Variants in NMNAT2 observed in about 807,000 individuals in gnomAD.
The protein encoded by NMNAT2 is nicotinamide/nicotinic acid mononucleotide adenylyltransferase 2.
Under a neutral mutation model 41.6 loss-of-function variants are expected in NMNAT2, and 11 were observed. The ratio of observed to expected loss-of-function variants is 0.26; its 90% confidence interval spans 0.17 to 0.44. NMNAT2 has a LOEUF of 0.44. Ranked by LOEUF, NMNAT2 falls within the 20% of genes least tolerant of loss-of-function variation. The pLI is 1.00. For missense variants in NMNAT2, 288 were observed against 407.7 expected (o/e 0.71, Z 2.53); for synonymous variants, 148 against 151.2 (o/e 0.98, Z 0.16).
At chr1:183,300,158 C>G (rs990681024) in intron 1 of NMNAT2, among the ~76,000 whole-genome samples, 1 of 152,068 alleles carries the variant, frequency 6.6e-6, no homozygotes, top group African/African-American at 2.4e-5. Context: ...AATCCCAACA[C>G]TTTGGGAGGC....
At chr1:183,281,066 T>C (rs1432929774) in intron 7 of NMNAT2, among the ~76,000 whole-genome samples, 1 of 152,172 alleles carries the variant, frequency 6.6e-6, no homozygotes, top group African/African-American at 2.4e-5. Context: ...ATTATAGGCT[T>C]GAGTCACCGC....
chr1:183,403,249 T>TAA (rs1201199096), intron 1 of NMNAT2, among the ~76,000 whole-genome samples: 1 of 152,200 alleles, frequency 6.6e-6, no homozygotes, highest in East Asian at 1.9e-4. Context: ...ACATCATATC[T>TAA]TATTCCTCTT....
chr1:183,372,872 G>A (rs1447938440), intron 1 of NMNAT2, among the ~76,000 whole-genome samples: 1 of 152,238 alleles, frequency 6.6e-6, no homozygotes, highest in Non-Finnish European at 1.5e-5. Flanking sequence ...ATTGGGTCAG[G>A]AGCCAACATC....
intron 8 of NMNAT2, among the ~76,000 whole-genome samples, chr1:183,270,074 C>CG (rs1355488200): frequency 6.6e-6 from 1 of 152,016 alleles, no homozygotes; most frequent in African/African-American, 2.4e-5. Context: ...TTAGTAGAGA[C>CG]GGGGTTTCAC....
chr1:183,280,055 A>G (rs1661218666), intron 7 of NMNAT2, among the ~76,000 whole-genome samples: 1 of 152,182 alleles, frequency 6.6e-6, no homozygotes, highest in Non-Finnish European at 1.5e-5. Context: ...CTCTTGCAGC[A>G]TGGGGTCACT....
At chr1:183,382,232 A>G (rs1663815705) in intron 1 of NMNAT2, among the ~76,000 whole-genome samples, 1 of 151,340 alleles carries the variant, frequency 6.6e-6, no homozygotes, top group Admixed American at 6.6e-5. Context: ...AAGCAACCAG[A>G]TCTCAAGAGA....
chr1:183,339,091 G>A lies in NMNAT2; in HGVS notation c.86-45298C>T, dbSNP rs116454979. Among the ~76,000 whole-genome samples the A allele has an allele frequency of 6.7e-3, 1,024 of 151,996 alleles. 5 individuals carry two copies. The highest frequency in any genetic ancestry group is 9.0e-3 in the Non-Finnish European group (610 of 67,956). ...AACAGCTCCAGTTCCTGAGATCACA[G>A]TTTTGTTTTATTTTTATTTTTTTTG... On this transcript the variant is annotated intron_variant, in intron 1 of 10. Coordinates refer to ENST00000287713, the MANE Select transcript of NMNAT2 (RefSeq NM_015039.4).
At chr1:183,415,192 G>C (rs1479383754) in intron 1 of NMNAT2, among the ~76,000 whole-genome samples, 3 of 152,112 alleles carry the variant, frequency 2.0e-5, no homozygotes, top group Non-Finnish European at 4.4e-5. Context: ...ATGTTGCCAA[G>C]TCTGGTCTCA....
chr1:183,300,272 C>T (rs185079804), intron 1 of NMNAT2, among the ~76,000 whole-genome samples: 3 of 152,136 alleles, frequency 2.0e-5, no homozygotes, highest in South Asian at 2.1e-4. Flanking sequence ...CGTGGTGGCA[C>T]GTGCCTGTAG....
intron 1 of NMNAT2, among the ~76,000 whole-genome samples, chr1:183,369,786 A>G (rs760353469): frequency 2.0e-5 from 3 of 151,962 alleles, no homozygotes; most frequent in Non-Finnish European, 4.4e-5. Context: ...CTCATTAAAC[A>G]CTAACCTCCT....
chr1:183,359,439 C>G (rs1663261404), intron 1 of NMNAT2, among the ~76,000 whole-genome samples: 1 of 152,156 alleles, frequency 6.6e-6, no homozygotes, highest in Non-Finnish European at 1.5e-5. Flanking sequence ...CTCACACTGT[C>G]TGGTTGCATG....
At chr1:183,274,908 G>T (rs1661085974) in intron 8 of NMNAT2, among the ~76,000 whole-genome samples, 1 of 152,306 alleles carries the variant, frequency 6.6e-6, no homozygotes, top group Admixed American at 6.5e-5. Flanking sequence ...ATAGGAAGAT[G>T]CTAGAGGTCT....
intron 1 of NMNAT2, among the ~76,000 whole-genome samples, chr1:183,367,303 A>G (rs1008326333): frequency 6.6e-6 from 1 of 152,170 alleles, no homozygotes; most frequent in Non-Finnish European, 1.5e-5. Flanking sequence ...TACTAAAAAT[A>G]CAAAAGTAGT....
At chr1:183,311,536 C>T (rs1300425844) in intron 1 of NMNAT2, among the ~76,000 whole-genome samples, 2 of 152,048 alleles carry the variant, frequency 1.3e-5, no homozygotes, top group Middle Eastern at 3.4e-3. Flanking sequence ...GAGGCCTGTC[C>T]CCAGTCAAGC....
At chr1:183,347,904 A>G (rs987364889) in intron 1 of NMNAT2, among the ~76,000 whole-genome samples, 1 of 152,094 alleles carries the variant, frequency 6.6e-6, no homozygotes, top group Non-Finnish European at 1.5e-5. Context: ...TCCTCCTTAG[A>G]AACTCAGTTC....
chr1:183,343,502 T>C (rs1322736073), intron 1 of NMNAT2, among the ~76,000 whole-genome samples: 23 of 152,362 alleles, frequency 1.5e-4, no homozygotes, highest in African/African-American at 5.3e-4. Context: ...TGTTTTCTTG[T>C]TTACTGTAAG....
intron 1 of NMNAT2, among the ~76,000 whole-genome samples, chr1:183,328,796 A>G (rs543423): frequency 0.71 from 108,343 of 152,026 alleles, 38,731 homozygotes; most frequent in East Asian, 0.89. Context: ...GTTGGTAGCC[A>G]CCTTGTAAAA....
intron 1 of NMNAT2, among the ~76,000 whole-genome samples, chr1:183,403,540 T>C (rs74914001): frequency 0.06 from 8,890 of 148,330 alleles, 510 homozygotes; most frequent in East Asian, 0.19. Context: ...ATTCCTTCCA[T>C]CCACTTTGAG....
At chr1:183,304,853 C>G in intron 1 of NMNAT2, 1 of 1,569,522 alleles carries the variant, frequency 6.4e-7, no homozygotes, top group Admixed American at 1.8e-5. Context: ...GCTCCACTAC[C>G]TCCAGCTTGG....
Sources: allele counts gnomAD v4.1 joint callset (sites outside exome capture counted in the v4.1 genomes callset), GRCh38; gene constraint gnomAD v4.1.1; transcripts MANE v1.5; gene names NCBI Gene and HGNC (gene_info 2026-07-23, HGNC 2026-07-21).